The following NFKBIZ variants were observed in gnomAD, a reference collection of about 807,000 sequenced individuals.
NFKBIZ encodes the protein NF-kappa-B inhibitor zeta.
In NFKBIZ, 19 loss-of-function variants were observed where a neutral mutation model predicts 76.8. That is an observed-to-expected ratio of 0.25 (90% CI 0.17 to 0.36). NFKBIZ has a LOEUF of 0.36. Among genes scored for constraint, NFKBIZ ranks in the 10% least tolerant of loss-of-function variants. NFKBIZ has a pLI of 1.00. For synonymous variants in NFKBIZ, 368 were observed against 354.8 expected (o/e 1.04, Z -0.42); for missense variants, 829 against 910.9 (o/e 0.91, Z 1.16).
chr3:101,836,190 A>G (rs976558768), intron 2 of NFKBIZ, among the ~76,000 whole-genome samples: 9 of 152,216 alleles, frequency 5.9e-5, no homozygotes, highest in Admixed American at 3.9e-4. Context: ...TAGAACTCAG[A>G]GAAAAGGTCA....
At chr3:101,843,837 T>TA (rs1463157084) in intron 2 of NFKBIZ, among the ~76,000 whole-genome samples, 3 of 152,124 alleles carry the variant, frequency 2.0e-5, no homozygotes, top group South Asian at 2.1e-4. Flanking sequence ...TTATATAATA[T>TA]AAAAAAATCA....
At chr3:101,857,674 G>A (rs757742848) in intron 11 of NFKBIZ, 3 of 985,450 alleles carry the variant, frequency 3.0e-6, no homozygotes, top group Non-Finnish European at 3.6e-6. Flanking sequence ...GACTCAAAAT[G>A]GTTAGAGGTC....
chr3:101,849,723 TG>T lies in NFKBIZ; in HGVS notation c.96del (p.Ser33AlafsTer84). ...GCGLMTSPLN[L>X]SYFYGASPPA... ...GGCCTCATGACCAGCCCGCTCAACC[TG>T]AGCTACTTCTACGGCGCGTCGCCGC... is the stretch of plus-strand genomic sequence containing the variant. On this transcript the variant is annotated frameshift_variant, in exon 1 of 12. Coordinates refer to ENST00000326172, the MANE Select transcript of NFKBIZ (RefSeq NM_031419.4). LOFTEE classifies it high-confidence loss of function. 6.9e-7 allele frequency: 1 copy of T among 1,448,700 alleles called. No individual in the cohort carries two copies. The highest frequency in any genetic ancestry group is 9.0e-7 in the Non-Finnish European group (1 of 1,104,986). The allele number at this position is 1,448,700 out of a possible 1,614,324, so 89.7% of individuals were successfully genotyped here.
upstream of NFKBIZ, chr3:101,849,420 GCGGCCCGGGCACCGCCAATGGC>G (rs1942908606): frequency 2.7e-6 from 1 of 374,952 alleles, no homozygotes; most frequent in Admixed American, 4.6e-5. Context: ...GGGCTGGGAG[GCGGCCCGGGCACCGCCAATGGC>G]CGGGCCGGGC....
At chr3:101,857,248 T>C (rs1943063108) in intron 10 of NFKBIZ, 44 bp from the exon 11 acceptor site, 1 of 1,612,262 alleles carries the variant, frequency 6.2e-7, no homozygotes. Flanking sequence ...TTTCATGAAA[T>C]TTCCCCCTTC....
intron 2 of NFKBIZ, among the ~76,000 whole-genome samples, chr3:101,838,380 T>C (rs948836091): frequency 6.6e-6 from 1 of 152,188 alleles, no homozygotes; most frequent in Admixed American, 6.5e-5. Context: ...ATGCTACAGA[T>C]AGGTATGCAG....
At chr3:101,833,431 A>G (rs1268877341) in intron 2 of NFKBIZ, among the ~76,000 whole-genome samples, 1 of 152,194 alleles carries the variant, frequency 6.6e-6, no homozygotes, top group Non-Finnish European at 1.5e-5. Flanking sequence ...CAAATAACCC[A>G]GGGTGGAAAA....
intron 1 of NFKBIZ, among the ~76,000 whole-genome samples, chr3:101,851,693 C>T (rs1942967693): frequency 6.6e-6 from 1 of 152,170 alleles, no homozygotes; most frequent in South Asian, 2.1e-4. Context: ...AATTATAGAA[C>T]TATGAGAGTC....
intron 11 of NFKBIZ, 141 bp from the exon 12 acceptor site, chr3:101,859,177 A>G (rs2107425598): frequency 1.8e-6 from 1 of 562,020 alleles, no homozygotes; most frequent in Non-Finnish European, 3.2e-6. Flanking sequence ...ATCTTGAGAA[A>G]TATTGTGTGT....
intron 2 of NFKBIZ, among the ~76,000 whole-genome samples, chr3:101,842,165 G>A (rs1179133029): frequency 6.6e-6 from 1 of 152,162 alleles, no homozygotes; most frequent in African/African-American, 2.4e-5. Flanking sequence ...GGAAGGGAGG[G>A]TCAGGAAAGG....
upstream of NFKBIZ, chr3:101,849,502 C>G (rs1942911061): frequency 2.4e-6 from 2 of 821,708 alleles, no homozygotes; most frequent in Non-Finnish European, 3.3e-6. Flanking sequence ...CTGGCAGTCC[C>G]GCGCCGCGCC....
upstream of NFKBIZ, among the ~76,000 whole-genome samples, chr3:101,845,800 A>G (rs141625699): frequency 9.5e-3 from 1,452 of 152,340 alleles, 24 homozygotes; most frequent in African/African-American, 0.033. Context: ...GTAGCTTTGG[A>G]TTAGATTTCT....
chr3:101,833,006 G>T (rs374559704), intron 2 of NFKBIZ, among the ~76,000 whole-genome samples: 1 of 152,204 alleles, frequency 6.6e-6, no homozygotes, highest in African/African-American at 2.4e-5. Flanking sequence ...GTAAATCTGC[G>T]CAGTGATTCG....
rs555868428 is a variant in NFKBIZ, at chr3:101,849,644, C to G, written c.16C>G (p.Leu6Val). 5 of 1,384,850 alleles carry G rather than the reference C, an allele frequency of 3.6e-6. No individual in the cohort carries two copies. In the African/African-American group the frequency reaches 7.5e-5, roughly 21 times the overall value. The allele number at this position is 1,384,850 out of a possible 1,614,324, so 85.8% of individuals were successfully genotyped here. MIVDK[L>V]LDDSRGGEGL... ...GCCTGGGAGCATGATTGTGGACAAGCTGCTGGACGACAGCCGCGGCGGAGA... is the reference window on the plus strand; with the variant it reads ...GCCTGGGAGCATGATTGTGGACAAGGTGCTGGACGACAGCCGCGGCGGAGA... The change falls in exon 1 of 12, where the codon CTG becomes GTG. Residue 6 changes from leucine (L) to valine (V), a missense_variant. Physicochemically the swap from Leu to Val is conservative, Grantham distance 32. Transcript: ENST00000326172.
intron 2 of NFKBIZ, among the ~76,000 whole-genome samples, chr3:101,836,347 G>A (rs954678802): frequency 1.4e-4 from 21 of 152,178 alleles, no homozygotes; most frequent in African/African-American, 4.8e-4. Flanking sequence ...GGATAGTAGG[G>A]AGGCTCTCCG....
intron 2 of NFKBIZ, among the ~76,000 whole-genome samples, chr3:101,834,516 A>G (rs866196599): frequency 1.3e-5 from 2 of 152,032 alleles, no homozygotes; most frequent in Middle Eastern, 3.4e-3. Flanking sequence ...ACCCGCCACC[A>G]CGCCCGGCTA....
At chr3:101,832,247 T>G (rs1247198986) in intron 2 of NFKBIZ, among the ~76,000 whole-genome samples, 2 of 152,156 alleles carry the variant, frequency 1.3e-5, no homozygotes, top group African/African-American at 2.4e-5. Flanking sequence ...TCATATTTAT[T>G]TCAGGAAAGC....
At position 101,857,081 on chromosome 3, in the gene NFKBIZ, A is replaced by G. The variant is rs569152043; in HGVS notation, c.1833A>G (p.Lys611=). 5.3e-4 allele frequency: 849 copies of G among 1,609,278 alleles called. 13 individuals are homozygous for G. In the Admixed American group the frequency reaches 5.6e-3, roughly 11 times the overall value. ...MGAAVEAKDR[K]SGRTALHLAA... ...CTCTTGCCTTTGACAAGGATCGCAA[A>G]AGTGGCCGCACAGCCCTGCATTTGG... Residue 611 remains lysine, a synonymous_variant, in exon 10 of 12, where the codon AAA becomes AAG. Transcript: ENST00000326172.
chr3:101,834,630 G>A (rs571582132), intron 2 of NFKBIZ, among the ~76,000 whole-genome samples: 7 of 152,326 alleles, frequency 4.6e-5, no homozygotes, highest in African/African-American at 1.7e-4. Flanking sequence ...CAAAGTGCTG[G>A]GATCACAGGC....
Sources: gnomAD v4.1 joint callset for allele counts (sites outside exome capture counted in the v4.1 genomes callset) on GRCh38, gnomAD v4.1.1 for gene constraint, MANE v1.5 for transcripts, NCBI Gene and HGNC (gene_info 2026-07-23, HGNC 2026-07-21) for gene names.